The following PDE1C variants were observed in gnomAD, a reference collection of about 807,000 sequenced individuals.
The protein encoded by PDE1C is dual specificity calcium/calmodulin-dependent 3',5'-cyclic nucleotide phosphodiesterase 1C.
PDE1C carries 62 observed loss-of-function variants against 93.1 expected under a neutral mutation model. The ratio of observed to expected loss-of-function variants is 0.67; its 90% CI spans 0.54 to 0.82. PDE1C has a LOEUF of 0.82. Among genes scored for constraint, PDE1C ranks in the 40% least tolerant of loss-of-function variants. The pLI, the probability that PDE1C is intolerant of heterozygous loss-of-function variation, is 0.00. For synonymous variants in PDE1C, 325 were observed against 310.1 expected (o/e 1.05, Z -0.50); for missense variants, 742 against 884.6 (o/e 0.84, Z 2.04).
chr7:32,008,254 G>A (rs1286550448), intron 2 of PDE1C, among the ~76,000 whole-genome samples: 1 of 152,080 alleles, frequency 6.6e-6, no homozygotes, highest in East Asian at 1.9e-4. Flanking sequence ...TTTATTCCAT[G>A]TCCACCTAGT....
At chr7:32,185,035 C>A (rs564571600) in intron 2 of PDE1C, among the ~76,000 whole-genome samples, 11 of 151,142 alleles carry the variant, frequency 7.3e-5, no homozygotes, top group African/African-American at 2.7e-4. Flanking sequence ...CTCTTGAACC[C>A]GGGAGGCAGA....
chr7:31,705,776 G>A, the PDE1C span, among the ~76,000 whole-genome samples: 9 of 152,074 alleles, frequency 5.9e-5, no homozygotes, highest in African/African-American at 1.9e-4. Context: ...GAGGCAGTGC[G>A]AGGCAGTGGT....
the PDE1C span, among the ~76,000 whole-genome samples, chr7:31,666,290 C>A: frequency 6.6e-6 from 1 of 152,146 alleles, no homozygotes; most frequent in Non-Finnish European, 1.5e-5. Context: ...GAGAAATTAA[C>A]CGGTCTTTTG....
intron 6 of PDE1C, among the ~76,000 whole-genome samples, chr7:31,871,135 C>T (rs1489339464): frequency 6.6e-6 from 1 of 151,788 alleles, no homozygotes. Context: ...GAAAGGACCC[C>T]TTCTTCAAGA....
chr7:32,299,273 A>G, exon 1 of PDE1C: 2 of 986,938 alleles, frequency 2.0e-6, no homozygotes, highest in Non-Finnish European at 2.4e-6. Context: ...CAACAGATGG[A>G]AAGGCAAACC....
intron 3 of PDE1C, among the ~76,000 whole-genome samples, chr7:32,134,832 T>A (rs1033996632): frequency 1.3e-5 from 2 of 152,090 alleles, no homozygotes; most frequent in African/African-American, 2.4e-5. Flanking sequence ...CCTAGATGAT[T>A]GATTGATGGG....
chr7:32,142,725 T>C (rs1325480190), intron 3 of PDE1C, among the ~76,000 whole-genome samples: 1 of 152,120 alleles, frequency 6.6e-6, no homozygotes, highest in South Asian at 2.1e-4. Flanking sequence ...AGCCCCACTA[T>C]GGAAGCTGCC....
chr7:32,179,962 T>C (rs1041316859), intron 2 of PDE1C, among the ~76,000 whole-genome samples: 11 of 152,154 alleles, frequency 7.2e-5, no homozygotes, highest in African/African-American at 2.7e-4. Context: ...ATCTGTGACA[T>C]AGGGTTGTAG....
chr7:31,719,648 G>C, the PDE1C span, among the ~76,000 whole-genome samples: 1 of 152,098 alleles, frequency 6.6e-6, no homozygotes, highest in African/African-American at 2.4e-5. Flanking sequence ...ACAATGCATG[G>C]CCGTGTGGCT....
intron 1 of PDE1C, among the ~76,000 whole-genome samples, chr7:32,388,369 A>G (rs1784680974): frequency 6.6e-6 from 1 of 152,180 alleles, no homozygotes; most frequent in South Asian, 2.1e-4. Flanking sequence ...AATCCCTAGA[A>G]GTTTAGGGAC....
intron 2 of PDE1C, among the ~76,000 whole-genome samples, chr7:31,966,526 C>T (rs1809994223): frequency 6.6e-6 from 1 of 152,158 alleles, no homozygotes. Context: ...TTTAACACCC[C>T]ACTGTCAACA....
the PDE1C span, chr7:31,653,801 C>A: frequency 4.6e-5 from 7 of 152,068 alleles, no homozygotes; most frequent in African/African-American, 1.4e-4. Context: ...AAGGAAATAA[C>A]AGGTTTTGTG....
chr7:32,410,127 A>T (rs968954449), intron 1 of PDE1C, among the ~76,000 whole-genome samples: 7 of 152,232 alleles, frequency 4.6e-5, no homozygotes, highest in African/African-American at 1.7e-4. Flanking sequence ...ACAATAGGAA[A>T]GTTCAGTAAG....
At chr7:31,619,973 C>A in the PDE1C span, among the ~76,000 whole-genome samples, 4 of 152,180 alleles carry the variant, frequency 2.6e-5, no homozygotes, top group African/African-American at 7.2e-5. Context: ...CCTGGCTTGG[C>A]GGGTCCTACG....
chr7:32,326,586 C>G (rs550775210), intron 1 of PDE1C, among the ~76,000 whole-genome samples: 1 of 152,166 alleles, frequency 6.6e-6, no homozygotes, highest in Non-Finnish European at 1.5e-5. Context: ...AGGACTAATA[C>G]TTGACTATTA....
At chr7:32,077,582 T>G (rs772450964) in intron 3 of PDE1C, among the ~76,000 whole-genome samples, 2 of 152,096 alleles carry the variant, frequency 1.3e-5, no homozygotes, top group Non-Finnish European at 2.9e-5. Context: ...ATTTATTTAT[T>G]TTTTTTGAGA....
chr7:31,813,775 A>C (rs1787859431), intron 15 of PDE1C, among the ~76,000 whole-genome samples: 1 of 152,038 alleles, frequency 6.6e-6, no homozygotes, highest in South Asian at 2.1e-4. Context: ...GTATACGCTG[A>C]ACCCAATTTG....
At position 31,815,935 on chromosome 7, in the gene PDE1C, T is replaced by C; in HGVS notation, c.1802A>G (p.Gln601Arg). The change falls in exon 15 of 18, where the codon CAG becomes CGG. Residue 601 changes from glutamine (Q) to arginine (R), a missense_variant. By Grantham distance (43) the Gln-to-Arg change is conservative. This residue lies in a region of PDE1C where 454 missense variants were observed against 459.4 expected (regional missense o/e 0.99). Transcript: ENST00000396191. ...GTAAGTCTACTCACCATTCTGTTGCTGTTCTCCTGATGACTTCTCGGCTTT... is the reference window on the plus strand; with the variant it reads ...GTAAGTCTACTCACCATTCTGTTGCCGTTCTCCTGATGACTTCTCGGCTTT... The part of the protein sequence containing the change: ...NSKAEKSSGE[Q>R]QQNGDFKDGK... The C allele has an allele frequency of 6.2e-7, 1 of 1,610,376 alleles. No homozygotes were observed. The highest frequency in any genetic ancestry group is 8.5e-7 in the Non-Finnish European group (1 of 1,176,600).
chr7:31,798,007 G>T (rs1785520687), intron 16 of PDE1C, among the ~76,000 whole-genome samples: 1 of 151,632 alleles, frequency 6.6e-6, no homozygotes, highest in African/African-American at 2.4e-5. Context: ...CCCAATGATA[G>T]AAACAGATTT....
Sources: allele counts gnomAD v4.1 joint callset (sites outside exome capture counted in the v4.1 genomes callset), GRCh38; gene constraint gnomAD v4.1.1; regional missense constraint gnomAD v4.1.1; transcripts MANE v1.5; gene names NCBI Gene and HGNC (gene_info 2026-07-23, HGNC 2026-07-21).